LNX1: variants seen among roughly 807,000 people sequenced by gnomAD.
The protein encoded by LNX1 is ligand of numb-protein X 1.
A neutral mutation model predicts 68.4 loss-of-function variants in LNX1; 54 were observed. The observed-to-expected ratio is 0.79, with a 90% CI of 0.63 to 0.99. The LOEUF is 0.99. LNX1 is among the 50% of genes least tolerant of loss of function. The pLI is 0.00. For missense variants in LNX1, 906 were observed against 926.4 expected, an observed-to-expected ratio of 0.98 and a Z score of 0.29; for synonymous variants, 336 against 350.0, an observed-to-expected ratio of 0.96 and a Z score of 0.45.
chr4:53,585,391 T>C (rs1732103101), intron 1 of LNX1, among the ~76,000 whole-genome samples: 1 of 152,104 alleles, frequency 6.6e-6, no homozygotes, highest in South Asian at 2.1e-4. Flanking sequence ...TCTCCATAAG[T>C]AGTTGGAAGA....
intron 2 of LNX1, among the ~76,000 whole-genome samples, chr4:53,614,463 CA>C (rs1191793272): frequency 6.6e-6 from 1 of 152,198 alleles, no homozygotes; most frequent in Non-Finnish European, 1.5e-5. Flanking sequence ...AAGTGACCCC[CA>C]CACTAACCTT....
intron 2 of LNX1, among the ~76,000 whole-genome samples, chr4:53,600,210 C>G (rs960363959): frequency 1.3e-5 from 2 of 152,186 alleles, no homozygotes; most frequent in African/African-American, 4.8e-5. Context: ...ATAGAGTACT[C>G]TGTCCTCTAA....
chr4:53,563,947 G>C (rs1428402196), intron 2 of LNX1, among the ~76,000 whole-genome samples: 2 of 152,216 alleles, frequency 1.3e-5, no homozygotes, highest in Non-Finnish European at 2.9e-5. Flanking sequence ...TGGAAATGTT[G>C]GTTTCAACCT....
rs141475857 is a variant in LNX1 at position 53,622,716 on chromosome 4, A to G, written c.-215+29452T>C. Among the ~76,000 whole-genome samples the G allele has an allele frequency of 5.9e-5, 9 of 152,322 alleles. No individual in the cohort carries two copies. The East Asian group carries it at 1.7e-3, about 29-fold the overall frequency. ...AAAATACTTCTGAGAAAAACAAGAT[A>G]GCCCTAACACAGTGCAGTTGCTTGT... is the stretch of plus-strand genomic sequence containing the variant. On this transcript the variant is annotated intron_variant, in intron 1 of 2. Coordinates refer to the LNX1 transcript ENST00000507168.
intron 9 of LNX1, among the ~76,000 whole-genome samples, chr4:53,468,425 C>T (rs546810527): frequency 3.5e-4 from 53 of 152,306 alleles, no homozygotes; most frequent in Non-Finnish European, 7.3e-4. Context: ...TAAGAAGAAA[C>T]TGCATCAACT....
intron 2 of LNX1, chr4:53,557,926 G>T: frequency 6.2e-7 from 1 of 1,613,534 alleles, no homozygotes; most frequent in Non-Finnish European, 8.5e-7. Context: ...TAGTTAGCAG[G>T]ACTGAGCCAA....
At position 53,461,015 on chromosome 4, in the gene LNX1, A is replaced by T; in HGVS notation, c.2079T>A (p.Asn693Lys). 6.3e-7 allele frequency: 1 copy of T among 1,586,300 alleles called. No individual in the cohort carries two copies. The highest frequency in any genetic ancestry group is 8.5e-7 in the Non-Finnish European group (1 of 1,170,146). The change falls in exon 11 of 11, where the codon AAT becomes AAA. Residue 693 changes from asparagine (N) to lysine (K), a missense_variant. Asn to Lys is a moderately conservative substitution (Grantham distance 94, BLOSUM62 0). Coordinates refer to ENST00000263925, the MANE Select transcript of LNX1 (RefSeq NM_001126328.3). The part of the protein sequence containing the change: ...IRCGDILLAV[N>K]GRSTSGMIHA... ...GTATCATTCCTGATGTACTTCTACC[A>T]TTGACAGCAAGAAGAATATCACCAC...
intron 2 of LNX1, among the ~76,000 whole-genome samples, chr4:53,527,191 A>G (rs1023734890): frequency 4.6e-5 from 7 of 152,214 alleles, no homozygotes; most frequent in Non-Finnish European, 7.3e-5. Flanking sequence ...AGTTTCTTCA[A>G]TTCACATTTA....
chr4:53,578,477 A>C (rs1229268854), intron 1 of LNX1, among the ~76,000 whole-genome samples: 1 of 152,218 alleles, frequency 6.6e-6, no homozygotes, highest in Non-Finnish European at 1.5e-5. Context: ...ATATCTAAAC[A>C]TAGAAAAGGT....
At chr4:53,562,506 A>G (rs934335105) in intron 2 of LNX1, among the ~76,000 whole-genome samples, 15 of 152,234 alleles carry the variant, frequency 9.9e-5, no homozygotes, top group African/African-American at 3.4e-4. Flanking sequence ...GCATACCTAC[A>G]GCCAGTCCTA....
intron 6 of LNX1, among the ~76,000 whole-genome samples, chr4:53,486,824 C>A (rs1442647213): frequency 6.6e-6 from 1 of 152,198 alleles, no homozygotes; most frequent in African/African-American, 2.4e-5. Context: ...TGGAACTTAG[C>A]ATTTTGCAGA....
At chr4:53,488,972 G>C (rs575989778) in intron 6 of LNX1, among the ~76,000 whole-genome samples, 1 of 152,282 alleles carries the variant, frequency 6.6e-6, no homozygotes, top group East Asian at 1.9e-4. Flanking sequence ...TGAGCAACGA[G>C]TTGGAGGCTC....
intron 2 of LNX1, among the ~76,000 whole-genome samples, chr4:53,525,238 T>C (rs562290435): frequency 6.6e-6 from 1 of 152,146 alleles, no homozygotes; most frequent in Non-Finnish European, 1.5e-5. Flanking sequence ...TCCCAGCACC[T>C]TGGGAGGGTG....
intron 2 of LNX1, among the ~76,000 whole-genome samples, chr4:53,563,462 G>A (rs1443517663): frequency 6.6e-6 from 1 of 152,076 alleles, no homozygotes; most frequent in East Asian, 1.9e-4. Flanking sequence ...GGGAGTAAGA[G>A]GGGGGCCTAC....
intron 2 of LNX1, among the ~76,000 whole-genome samples, chr4:53,551,592 T>C (rs1729522418): frequency 6.6e-6 from 1 of 152,150 alleles, no homozygotes; most frequent in African/African-American, 2.4e-5. Flanking sequence ...AGTGCCTGAA[T>C]GCCACTGTGG....
intron 9 of LNX1, among the ~76,000 whole-genome samples, chr4:53,466,310 A>T (rs1421283643): frequency 5.9e-5 from 9 of 152,246 alleles, no homozygotes; most frequent in Non-Finnish European, 1.0e-4. Context: ...CTACATACTT[A>T]AAGCAGCTTT....
At chr4:53,496,918 A>C (rs1177982625) in intron 5 of LNX1, among the ~76,000 whole-genome samples, 1 of 152,094 alleles carries the variant, frequency 6.6e-6, no homozygotes, top group Non-Finnish European at 1.5e-5. Context: ...TGTGTGAGTG[A>C]GGGTCTGAGT....
intron 2 of LNX1, among the ~76,000 whole-genome samples, chr4:53,515,520 C>CA (rs139163655): frequency 0.3 from 44,842 of 148,308 alleles, 7,112 homozygotes; most frequent in South Asian, 0.47. Context: ...CCCACCCCAC[C>CA]AAAAAAAAAA....
chr4:53,507,256 C>T (rs1725958649), intron 4 of LNX1, 61 bp downstream of exon 4: 2 of 1,560,918 alleles, frequency 1.3e-6, no homozygotes, highest in African/African-American at 1.4e-5. Flanking sequence ...ATTGCGTCAT[C>T]CCTGAAGTCC....
Sources: allele counts gnomAD v4.1 joint callset (sites outside exome capture counted in the v4.1 genomes callset), GRCh38; gene constraint gnomAD v4.1.1; transcripts MANE v1.5; gene names NCBI Gene and HGNC (gene_info 2026-07-23, HGNC 2026-07-21).